NAV3: variants seen among roughly 807,000 people sequenced by gnomAD.
NAV3 encodes the protein pore membrane and/or filament interacting like protein 1.
NAV3 carries 87 observed loss-of-function variants against 244.7 expected under a neutral mutation model. That is an observed-to-expected ratio of 0.36 (90% CI 0.30 to 0.42). The LOEUF (loss-of-function observed/expected upper bound fraction) is 0.42, where lower values mean the gene tolerates loss of function less well. NAV3 is among the 20% of genes least tolerant of loss of function. The pLI, the probability that NAV3 is intolerant of heterozygous loss-of-function variation, is 1.00. For missense variants in NAV3, 2,663 were observed against 2,893.3 expected (o/e 0.92, Z 1.83); for synonymous variants, 1,126 against 1,042.2 (o/e 1.08, Z -1.55).
intron 21 of NAV3, among the ~76,000 whole-genome samples, chr12:78,148,385 A>G (rs1160769495): frequency 6.6e-6 from 1 of 152,134 alleles, no homozygotes; most frequent in African/African-American, 2.4e-5. Flanking sequence ...AAACTATGAG[A>G]AATTAAAATG....
intron 2 of NAV3, among the ~76,000 whole-genome samples, chr12:77,781,640 A>G (rs767085293): frequency 4.6e-5 from 7 of 152,166 alleles, no homozygotes; most frequent in African/African-American, 1.4e-4. Flanking sequence ...GGCACATGTC[A>G]TCAGGACCTC....
At chr12:77,960,730 A>G in intron 3 of NAV3, among the ~76,000 whole-genome samples, 1 of 147,544 alleles carries the variant, frequency 6.8e-6, no homozygotes, top group Non-Finnish European at 1.5e-5. Context: ...TATCATACAC[A>G]TATGTATCAT....
intron 18 of NAV3, among the ~76,000 whole-genome samples, chr12:78,135,059 G>C (rs750314818): frequency 1.1e-4 from 17 of 152,092 alleles, no homozygotes; most frequent in Non-Finnish European, 2.4e-4. Context: ...TAGTGATTGG[G>C]TTATTTGCCC....
chr12:77,923,702 C>T (rs1887926617), intron 1 of NAV3, among the ~76,000 whole-genome samples: 1 of 152,056 alleles, frequency 6.6e-6, no homozygotes, highest in Non-Finnish European at 1.5e-5. Flanking sequence ...GTTCCAAGGA[C>T]CCCAGCAGTG....
chr12:77,669,492 T>C (rs1352763463), intron 2 of NAV3, among the ~76,000 whole-genome samples: 1 of 151,842 alleles, frequency 6.6e-6, no homozygotes, highest in African/African-American at 2.4e-5. Flanking sequence ...AAACTTAAGG[T>C]AAAGGGGCAG....
chr12:77,592,690 C>T (rs899659341), intron 2 of NAV3, among the ~76,000 whole-genome samples: 1 of 152,166 alleles, frequency 6.6e-6, no homozygotes, highest in African/African-American at 2.4e-5. Flanking sequence ...TGTACTTTTT[C>T]ACGTACGCTA....
chr12:77,732,727 G>A (rs1326201453), intron 2 of NAV3, among the ~76,000 whole-genome samples: 1 of 152,002 alleles, frequency 6.6e-6, no homozygotes, highest in Non-Finnish European at 1.5e-5. Flanking sequence ...AGTGAGCAGT[G>A]AAGCTGATAT....
intron 1 of NAV3, among the ~76,000 whole-genome samples, chr12:77,923,592 A>G (rs958879576): frequency 2.0e-5 from 3 of 152,184 alleles, no homozygotes; most frequent in Admixed American, 1.3e-4. Context: ...AATGAGTATA[A>G]CAAACAAAAT....
chr12:78,076,365 C>T (rs1420940896), intron 12 of NAV3, among the ~76,000 whole-genome samples: 4 of 152,154 alleles, frequency 2.6e-5, no homozygotes, highest in Non-Finnish European at 5.9e-5. Flanking sequence ...TGCTCTTTCT[C>T]TGTGCGCTAG....
chr12:77,728,747 C>T (rs1456252247), intron 2 of NAV3, among the ~76,000 whole-genome samples: 1 of 151,794 alleles, frequency 6.6e-6, no homozygotes, highest in Non-Finnish European at 1.5e-5. Flanking sequence ...ATATAGTTGA[C>T]CCTGGAATAG....
intron 1 of NAV3, among the ~76,000 whole-genome samples, chr12:77,914,245 G>A (rs539108094): frequency 8.5e-5 from 13 of 152,190 alleles, no homozygotes; most frequent in African/African-American, 2.9e-4. Flanking sequence ...GGCACTTAAA[G>A]TGGTCATGCC....
chr12:77,696,819 A>G (rs1038273965), intron 2 of NAV3, among the ~76,000 whole-genome samples: 1 of 152,172 alleles, frequency 6.6e-6, no homozygotes, highest in Non-Finnish European at 1.5e-5. Context: ...ATATAAGCAT[A>G]CTAGAAGTGA....
At chr12:78,136,698 C>T (rs939055696) in intron 18 of NAV3, among the ~76,000 whole-genome samples, 1 of 152,156 alleles carries the variant, frequency 6.6e-6, no homozygotes, top group African/African-American at 2.4e-5. Flanking sequence ...CATGAACTTA[C>T]ATCAATTAAG....
chr12:77,660,167 T>C (rs1239610165), intron 2 of NAV3, among the ~76,000 whole-genome samples: 2 of 152,250 alleles, frequency 1.3e-5, no homozygotes, highest in Admixed American at 1.3e-4. Flanking sequence ...ATTAAATATA[T>C]AAAATTAATG....
chr12:77,946,906 G>C (rs1890401346), intron 3 of NAV3, among the ~76,000 whole-genome samples: 1 of 152,002 alleles, frequency 6.6e-6, no homozygotes, highest in Admixed American at 6.6e-5. Context: ...AGAAGAATGA[G>C]GACATCTGAT....
chr12:78,105,594 G>T (rs1359552541), intron 12 of NAV3, among the ~76,000 whole-genome samples: 1 of 151,820 alleles, frequency 6.6e-6, no homozygotes, highest in Non-Finnish European at 1.5e-5. Flanking sequence ...TGGACAAGTT[G>T]GTATTATTCT....
intron 2 of NAV3, among the ~76,000 whole-genome samples, chr12:77,642,887 A>G (rs1379599406): frequency 6.6e-6 from 1 of 152,128 alleles, no homozygotes; most frequent in African/African-American, 2.4e-5. Flanking sequence ...TAATTTTAAT[A>G]AAACCTTATA....
At position 77,974,847 on chromosome 12, in the gene NAV3, G is replaced by A. The variant is rs1280781486; in HGVS notation, c.671+6145G>A. Among the ~76,000 whole-genome samples, 6 of 152,196 alleles carry A rather than the reference G, an allele frequency of 3.9e-5. No homozygotes were observed. The East Asian group carries it at 5.8e-4, about 15-fold the overall frequency. On this transcript the variant is annotated intron_variant, in intron 5 of 39. Coordinates refer to ENST00000397909, the MANE Select transcript of NAV3 (RefSeq NM_001024383.2). Reference sequence around the variant, plus strand: ...GGTTTATGTATAAAATGCTTACTTAGCATAACACAGCATATAATAGACACT... The same window carrying A: ...GGTTTATGTATAAAATGCTTACTTAACATAACACAGCATATAATAGACACT...
intron 12 of NAV3, among the ~76,000 whole-genome samples, chr12:78,095,438 TAC>T (rs980652348): frequency 2.8e-4 from 42 of 152,280 alleles, no homozygotes; most frequent in Middle Eastern, 6.8e-3. Context: ...CTTGAAGAAG[TAC>T]AGAGTGGCTC....
Sources: gnomAD v4.1 joint callset for allele counts (sites outside exome capture counted in the v4.1 genomes callset) on GRCh38, gnomAD v4.1.1 for gene constraint, MANE v1.5 for transcripts, NCBI Gene and HGNC (gene_info 2026-07-23, HGNC 2026-07-21) for gene names.